The following ZNF658 variants were observed in gnomAD, a reference collection of about 807,000 sequenced individuals.
ZNF658 encodes the protein zinc finger protein 658.
ZNF658 carries 46 observed loss-of-function variants against 78.0 expected under a neutral mutation model. The ratio of observed to expected loss-of-function variants is 0.59; its 90% CI spans 0.47 to 0.75. The LOEUF (loss-of-function observed/expected upper bound fraction) is 0.75. Among genes scored for constraint, ZNF658 ranks in the 30% least tolerant of loss-of-function variants. ZNF658 has a pLI of 0.00. For missense variants in ZNF658, 785 were observed against 1,189.3 expected (o/e 0.66, Z 5.00); for synonymous variants, 279 against 408.4 (o/e 0.68, Z 3.82).
At chr9:66,915,079 AC>A (rs1822303445) in intron 4 of ZNF658, among the ~76,000 whole-genome samples, 1 of 151,740 alleles carries the variant, frequency 6.6e-6, no homozygotes, top group African/African-American at 2.4e-5. Context: ...ACACACACAC[AC>A]ACACACACAC....
intron 2 of ZNF658, among the ~76,000 whole-genome samples, chr9:66,904,483 T>G (rs1036825466): frequency 6.6e-6 from 1 of 151,982 alleles, no homozygotes; most frequent in Non-Finnish European, 1.5e-5. Context: ...CTCTGTTGTC[T>G]CCAAATGATT....
chr9:66,927,379 G>A (rs1278090533), intron 6 of ZNF658, among the ~76,000 whole-genome samples: 1 of 151,876 alleles, frequency 6.6e-6, no homozygotes, highest in African/African-American at 2.4e-5. Flanking sequence ...GTGGAGAAAG[G>A]GAACCCTTGT....
chr9:66,923,059 G>A (rs1226697850), downstream of ZNF658, among the ~76,000 whole-genome samples: 1 of 150,628 alleles, frequency 6.6e-6, no homozygotes, highest in Non-Finnish European at 1.5e-5. Context: ...TCCCAAAATA[G>A]GCCATCTGCA....
chr9:66,912,148 A>AT (rs1333768214), intron 4 of ZNF658, among the ~76,000 whole-genome samples: 3 of 123,776 alleles, frequency 2.4e-5, no homozygotes, highest in Non-Finnish European at 4.9e-5. Context: ...AAAAAAAAAA[A>AT]AAGACAAAAG....
In ZNF658 at chr9:66,913,350, G is replaced by A. The variant is rs184070973; in HGVS notation, c.239-4455G>A. Among the ~76,000 whole-genome samples, 193 of 151,892 alleles carry A rather than the reference G, an allele frequency of 1.3e-3. 4 individuals are homozygous for A. The highest frequency in any genetic ancestry group is 1.0e-2 in the Admixed American group (152 of 15,236). On this transcript the variant is annotated intron_variant, in intron 4 of 4. Coordinates refer to ENST00000621410, the MANE Select transcript of ZNF658 (RefSeq NM_033160.7). ...TGAGGCAGGAGAATCGCTTGAACTCGGGAGGCAGAGGTTGCAGTGAGCCAA... is the reference window on the plus strand; with the variant it reads ...TGAGGCAGGAGAATCGCTTGAACTCAGGAGGCAGAGGTTGCAGTGAGCCAA...
downstream of ZNF658, among the ~76,000 whole-genome samples, chr9:66,922,423 G>T (rs184962425): frequency 6.8e-6 from 1 of 147,244 alleles, no homozygotes. Flanking sequence ...CATCTTCTGC[G>T]TCACTCACGC....
At position 66,917,967 on chromosome 9, in the gene ZNF658, A is replaced by T. The variant is rs147347289; in HGVS notation, c.401A>T (p.Lys134Ile). ...GAAATAGCTCCAGAGCTTTCAGAAA[A>T]AATATCCTGTAAATGTGACTCACAC... ...NLEIAPELSEKISCKCDSHRM... is the reference protein window; with the variant it reads ...NLEIAPELSEIISCKCDSHRM... The change falls in exon 5 of 5, where the codon AAA becomes ATA. Residue 134 changes from lysine to isoleucine, a missense_variant. Coordinates refer to ENST00000621410, the MANE Select transcript of ZNF658 (RefSeq NM_033160.7). 3.1e-6 allele frequency: 5 copies of T among 1,608,024 alleles called. No individual in the cohort carries two copies. The highest frequency in any genetic ancestry group is 4.2e-6 in the Non-Finnish European group (5 of 1,178,894).
chr9:66,904,072 A>G (rs1822017658), intron 2 of ZNF658, among the ~76,000 whole-genome samples: 1 of 151,342 alleles, frequency 6.6e-6, no homozygotes, highest in South Asian at 2.1e-4. Context: ...TTTCTGATGA[A>G]TCAACTGAAT....
At chr9:66,921,787 A>T (rs957868869), downstream of ZNF658, among the ~76,000 whole-genome samples, 1 of 150,434 alleles carries the variant, frequency 6.6e-6, no homozygotes, top group Non-Finnish European at 1.5e-5. Flanking sequence ...CAGTTAGGCT[A>T]CTCGTGGGTC....
intron 4 of ZNF658, 31 bp downstream of exon 4, chr9:66,908,765 G>C: frequency 6.2e-7 from 1 of 1,603,742 alleles, no homozygotes; most frequent in Non-Finnish European, 8.5e-7. Flanking sequence ...GGAGCCCCCT[G>C]GGGGTACTTA....
chr9:66,901,848 G>A (rs1474500289), intron 1 of ZNF658, among the ~76,000 whole-genome samples: 1 of 152,026 alleles, frequency 6.6e-6, no homozygotes, highest in Non-Finnish European at 1.5e-5. Context: ...GGAGGCTGAG[G>A]CAGGAGAATC....
At chr9:66,926,503 A>G (rs958533775) in intron 6 of ZNF658, among the ~76,000 whole-genome samples, 1 of 149,768 alleles carries the variant, frequency 6.7e-6, no homozygotes, top group Non-Finnish European at 1.5e-5. Flanking sequence ...ATACTTAGGA[A>G]TAAACTTAGC....
chr9:66,912,072 G>T (rs1822224167), intron 4 of ZNF658, among the ~76,000 whole-genome samples: 1 of 43,892 alleles, frequency 2.3e-5, no homozygotes, highest in Non-Finnish European at 3.9e-5. Context: ...GGCAGAGCTT[G>T]CATTGAGCCG....
downstream of ZNF658, among the ~76,000 whole-genome samples, chr9:66,922,282 T>C (rs117684952): frequency 0.43 from 64,730 of 151,262 alleles, 14,701 homozygotes; most frequent in Middle Eastern, 0.66. Flanking sequence ...GGGAATTCCC[T>C]GGCCCCTTCT....
In ZNF658 at chr9:66,918,817, T is replaced by C. The variant is rs756095491; in HGVS notation, c.1251T>C (p.Cys417=). 1 of 1,613,316 alleles carries C rather than the reference T, an allele frequency of 6.2e-7. No individual in the cohort carries two copies. Among genetic ancestry groups the C allele is most frequent in the African/African-American group, 1.3e-5 (1 of 74,740 alleles). Residue 417 remains cysteine (C), a synonymous_variant, in exon 5 of 5, where the codon TGT becomes TGC. Coordinates refer to ENST00000621410, the MANE Select transcript of ZNF658 (RefSeq NM_033160.7). ...AGAAAACTTACCAATATGAGGAATGTGCAAAATCCTTTTGTTCAAGTTCAC... is the reference window on the plus strand; with the variant it reads ...AGAAAACTTACCAATATGAGGAATGCGCAAAATCCTTTTGTTCAAGTTCAC... The part of the protein sequence containing the change: ...SGEKTYQYEE[C]AKSFCSSSHP...
Position 66,908,260 on chromosome 9 carries a change from T to C in ZNF658, c.38T>C (p.Val13Ala). The C allele has an allele frequency of 6.2e-7, 1 of 1,614,098 alleles. No individual in the cohort carries two copies. Among genetic ancestry groups the C allele is most frequent in the South Asian group, 1.1e-5 (1 of 91,068 alleles). Residue 13 changes from valine (V) to alanine (A), a missense_variant, in exon 3 of 5, where the codon GTG (valine) becomes GCG (alanine). This residue lies in a region of ZNF658 where 79 missense variants were observed against 96.5 expected (regional missense o/e 0.82). Coordinates refer to ENST00000621410, the MANE Select transcript of ZNF658 (RefSeq NM_033160.7). ...MSQASVSFQD[V>A]TVEFTREEWQ... is the part of the protein sequence containing the mutation. ...CAGGCATCAGTGTCATTCCAGGACG[T>C]GACTGTGGAATTCACCCGGGAGGAG...
intron 2 of ZNF658, among the ~76,000 whole-genome samples, chr9:66,905,063 C>CTTTTTTTTTTTTTT (rs1822044312): frequency 1.8e-5 from 1 of 55,544 alleles, no homozygotes; most frequent in African/African-American, 8.6e-5. Context: ...TTCTCTTTTT[C>CTTTTTTTTTTTTTT]TTTTCTTTTT....
chr9:66,920,103 G>C lies in ZNF658; in HGVS notation c.2537G>C (p.Arg846Thr). The change falls in exon 5 of 5, where the codon AGA (arginine) becomes ACA (threonine). Residue 846 changes from arginine to threonine, a missense_variant. Coordinates refer to ENST00000621410, the MANE Select transcript of ZNF658 (RefSeq NM_033160.7). ...AGAACACACCTCTGTGCACATCAGA[G>C]AATTCATACTGGGGAAAAACCCTAT... is the stretch of plus-strand genomic sequence containing the variant. ...SQRTHLCAHQRIHTGEKPYEC... is the reference protein window; with the variant it reads ...SQRTHLCAHQTIHTGEKPYEC... The C allele has an allele frequency of 6.2e-6, 10 of 1,612,742 alleles. No homozygotes were observed. Among genetic ancestry groups the C allele is most frequent in the Non-Finnish European group, 8.5e-6 (10 of 1,179,850 alleles).
At chr9:66,906,273 C>G (rs1318213409) in intron 2 of ZNF658, among the ~76,000 whole-genome samples, 1 of 151,338 alleles carries the variant, frequency 6.6e-6, no homozygotes, top group Non-Finnish European at 1.5e-5. Flanking sequence ...TAGGGTCACC[C>G]AGGGTGACAG....
Sources: gnomAD v4.1 joint callset for allele counts (sites outside exome capture counted in the v4.1 genomes callset) on GRCh38, gnomAD v4.1.1 for gene constraint, gnomAD v4.1.1 regional missense constraint, MANE v1.5 for transcripts, NCBI Gene and HGNC (gene_info 2026-07-23, HGNC 2026-07-21) for gene names.